ZNF208: variants seen among roughly 807,000 people sequenced by gnomAD.
The protein encoded by ZNF208 is zinc finger protein 208, also known as zinc finger protein 95.
In ZNF208, 10 loss-of-function variants were observed where a neutral mutation model predicts 12.1. The observed-to-expected ratio is 0.83, with a 90% confidence interval of 0.51 to 1.40. ZNF208 has a LOEUF of 1.40. ZNF208 is among the 40% of genes most tolerant of loss of function. The pLI, the probability that ZNF208 is intolerant of heterozygous loss-of-function variation, is 0.00. For missense variants in ZNF208, 1,652 were observed against 1,485.0 expected (o/e 1.11, Z -1.85); for synonymous variants, 497 against 488.4 (o/e 1.02, Z -0.23).
Position 21,975,851 on chromosome 19 carries a change from A to AG in ZNF208, c.227-1045dup, listed in dbSNP as rs1555745039. Among the ~76,000 whole-genome samples the AG allele has an allele frequency of 3.4e-3, 316 of 91,866 alleles. 60 individuals carry two copies. Among genetic ancestry groups the AG allele is most frequent in the African/African-American group, 0.011 (234 of 21,960 alleles). 60.3% of individuals were successfully genotyped at this position (91,866 alleles called of 152,430 possible). ...AAAAAAAAAAAAAAAAAAAAAAAAA[A>AG]GCTATCAAGTGAGAATAATACCATC... On this transcript the variant is annotated intron_variant, in intron 3 of 3. Transcript: ENST00000397126.
At chr19:21,944,364 T>C (rs138324788) in intron 4 of ZNF208, among the ~76,000 whole-genome samples, 1 of 152,198 alleles carries the variant, frequency 6.6e-6, no homozygotes, top group Non-Finnish European at 1.5e-5. Context: ...CAAAATCATA[T>C]GCAAAAATTA....
intron 3 of ZNF208, chr19:21,986,832 C>T (rs920074744): frequency 1.5e-5 from 6 of 387,844 alleles, no homozygotes; most frequent in Non-Finnish European, 2.7e-5. Flanking sequence ...AACTACTACT[C>T]TCACACATTT....
chr19:21,977,644 G>C (rs79115606), intron 3 of ZNF208, among the ~76,000 whole-genome samples: 1 of 152,244 alleles, frequency 6.6e-6, no homozygotes, highest in South Asian at 2.1e-4. Flanking sequence ...GCACAAAACT[G>C]GGTGGCCATT....
downstream of ZNF208, among the ~76,000 whole-genome samples, chr19:21,965,131 T>G (rs1970141255): frequency 6.6e-6 from 1 of 152,028 alleles, no homozygotes; most frequent in African/African-American, 2.4e-5. Flanking sequence ...TATAAGCTAT[T>G]AAAATATTAA....
chr19:21,944,726 T>A (rs921731638), intron 4 of ZNF208, among the ~76,000 whole-genome samples: 7 of 152,202 alleles, frequency 4.6e-5, no homozygotes, highest in Admixed American at 1.3e-4. Flanking sequence ...ATGTTTGATT[T>A]AAAAATTTTA....
chr19:21,963,167 A>G (rs925501474), downstream of ZNF208, among the ~76,000 whole-genome samples: 5 of 151,868 alleles, frequency 3.3e-5, no homozygotes, highest in African/African-American at 1.2e-4. Flanking sequence ...TTTTGGTGAT[A>G]CTCCTGTGCC....
At position 21,944,311 on chromosome 19, in the gene ZNF208, C is replaced by A. The variant is rs190926616; in HGVS notation, c.306-11074G>T. ...TGAACCAAAAACCACACAAGCTAAA[C>A]AACAGTGGATTTAAAATTCAACCTA... On this transcript the variant is annotated intron_variant, in intron 4 of 4. Transcript: ENST00000599916. 5.6e-3 allele frequency among the ~76,000 whole-genome samples: 853 copies of A among 152,280 alleles called. 1 individual carries two copies. Among genetic ancestry groups the A allele is most frequent in the African/African-American group, 0.019 (798 of 41,566 alleles).
intron 1 of ZNF208, among the ~76,000 whole-genome samples, chr19:21,992,125 G>A (rs1970750556): frequency 6.6e-6 from 1 of 152,188 alleles, no homozygotes; most frequent in South Asian, 2.1e-4. Flanking sequence ...CAGATTAAAT[G>A]TGTTGGTTTA....
Position 21,971,929 on chromosome 19 carries a change from G to C in ZNF208, c.3105C>G (p.Asp1035Glu), listed in dbSNP as rs1231603435. 2 of 1,523,878 alleles carry C rather than the reference G, an allele frequency of 1.3e-6. No homozygotes were observed. Among genetic ancestry groups the C allele is most frequent in the African/African-American group, 2.8e-5 (2 of 71,732 alleles). The allele number at this position is 1,523,878 out of a possible 1,614,324, so 94.4% of individuals were successfully genotyped here. A position where few individuals can be genotyped will look rare whatever the true frequency, so the allele number is the denominator to read the frequency against. Reference sequence around the variant, plus strand: ...GGCTTGAGGGCCAGCTGAAGGCTTTGTCACATTCTTCACATTTGTAGGGTG... The same window carrying C: ...GGCTTGAGGGCCAGCTGAAGGCTTTCTCACATTCTTCACATTTGTAGGGTG... Reference protein sequence around the residue: ...GETPYKCEECDKAFSWPSSLT... With the variant: ...GETPYKCEECEKAFSWPSSLT... The change falls in exon 4 of 4, where the codon GAC becomes GAG. Residue 1035 changes from aspartate to glutamate, a missense_variant. Coordinates refer to ENST00000397126, the MANE Select transcript of ZNF208 (RefSeq NM_007153.3).
At chr19:21,988,147 G>C (rs577622614) in intron 2 of ZNF208, among the ~76,000 whole-genome samples, 6 of 152,224 alleles carry the variant, frequency 3.9e-5, no homozygotes, top group African/African-American at 1.4e-4. Flanking sequence ...TTAATCTAAA[G>C]TGAAGGACAC....
intron 1 of ZNF208, among the ~76,000 whole-genome samples, chr19:21,996,484 A>C (rs1335514526): frequency 6.6e-6 from 1 of 152,178 alleles, no homozygotes; most frequent in East Asian, 1.9e-4. Flanking sequence ...AAAAAAGGAG[A>C]AAAACGTAAT....
chr19:21,954,721 T>C (rs1290408412), intron 4 of ZNF208, among the ~76,000 whole-genome samples: 2 of 152,220 alleles, frequency 1.3e-5, no homozygotes, highest in Non-Finnish European at 2.9e-5. Context: ...TTTGAGCCTA[T>C]GTGTGTCTCT....
At chr19:21,977,867 C>T (rs2145556552) in intron 3 of ZNF208, among the ~76,000 whole-genome samples, 1 of 152,328 alleles carries the variant, frequency 6.6e-6, no homozygotes, top group Non-Finnish European at 1.5e-5. Context: ...GCAGTCCAAG[C>T]TCCACCTGGG....
rs926128081 is a variant in ZNF208, at chr19:21,988,811, T to G, written c.102A>C (p.Leu34Phe). 1.2e-6 allele frequency: 2 copies of G among 1,614,052 alleles called. No individual in the cohort carries two copies. The highest frequency in any genetic ancestry group is 2.7e-5 in the African/African-American group (2 of 74,934). The change falls in exon 2 of 4, where the codon TTA (leucine) becomes TTC (phenylalanine). Residue 34 changes from leucine to phenylalanine, a missense_variant. By Grantham distance (22) the Leu-to-Phe change is conservative. Around this residue, in one of 3 missense-constraint regions of ZNF208, gnomAD observed 410 missense variants for 378.2 expected, o/e 1.08. Coordinates refer to ENST00000397126, the MANE Select transcript of ZNF208 (RefSeq NM_007153.3). ...GGAAGACCAGGTTTCTGTAGTTCTC[T>G]AACATCACATTTCTATATAAATTCT... ...AQQNLYRNVM[L>F]ENYRNLVFLG...
At chr19:21,948,838 A>G (rs1969852062) in intron 4 of ZNF208, among the ~76,000 whole-genome samples, 1 of 152,206 alleles carries the variant, frequency 6.6e-6, no homozygotes, top group Non-Finnish European at 1.5e-5. Flanking sequence ...CAGTCAGAAA[A>G]GAAACTCAGT....
chr19:21,972,347 T>C lies in ZNF208; in HGVS notation c.2687A>G (p.Lys896Arg). ...EKPYKCEECG[K>R]GFSMFSILTK... ...AAGGATGGAGAACATACTAAAACCTTTGCCACATTCTTCACATTTGTAGGG... is the reference window on the plus strand; with the variant it reads ...AAGGATGGAGAACATACTAAAACCTCTGCCACATTCTTCACATTTGTAGGG... Residue 896 changes from lysine to arginine, a missense_variant, in exon 4 of 4, where the codon AAA becomes AGA. Coordinates refer to ENST00000397126, the MANE Select transcript of ZNF208 (RefSeq NM_007153.3). 1 of 1,612,916 alleles carries C rather than the reference T, an allele frequency of 6.2e-7. No individual in the cohort carries two copies. Among genetic ancestry groups the C allele is most frequent in the Non-Finnish European group, 8.5e-7 (1 of 1,179,322 alleles).
chr19:21,951,455 TTAAA>T (rs1459304741), intron 4 of ZNF208, among the ~76,000 whole-genome samples: 2 of 152,134 alleles, frequency 1.3e-5, no homozygotes, highest in Non-Finnish European at 2.9e-5. Flanking sequence ...TTGTCTTAAA[TTAAA>T]TAAAGTGAAA....
intron 4 of ZNF208, among the ~76,000 whole-genome samples, chr19:21,956,076 G>T (rs1969971231): frequency 6.6e-6 from 1 of 152,204 alleles, no homozygotes; most frequent in Non-Finnish European, 1.5e-5. Flanking sequence ...TCAGCTGCAG[G>T]TCTATTGTAG....
intron 3 of ZNF208, among the ~76,000 whole-genome samples, chr19:21,981,059 G>A (rs1325902678): frequency 6.6e-6 from 1 of 152,076 alleles, no homozygotes; most frequent in Admixed American, 6.6e-5. Flanking sequence ...CTGAAACTGA[G>A]GCAGTAATTA....
Sources: allele counts gnomAD v4.1 joint callset (sites outside exome capture counted in the v4.1 genomes callset), GRCh38; gene constraint gnomAD v4.1.1; regional missense constraint gnomAD v4.1.1; transcripts MANE v1.5; gene names NCBI Gene and HGNC (gene_info 2026-07-23, HGNC 2026-07-21).